The following B3GALT1 variants were observed in gnomAD, a reference collection of about 807,000 sequenced individuals.
B3GALT1 encodes UDP-Gal:betaGlcNAc beta 1,3-galactosyltransferase, polypeptide 1.
In B3GALT1, 10 loss-of-function variants were observed where a neutral mutation model predicts 23.2. The observed-to-expected ratio is 0.43, with a 90% CI of 0.27 to 0.73. The LOEUF is 0.73. Ranked by LOEUF, B3GALT1 falls within the 30% of genes least tolerant of loss-of-function variation. The pLI is 0.21. For synonymous variants in B3GALT1, 156 were observed against 141.5 expected (o/e 1.10, Z -0.73); for missense variants, 299 against 405.4 (o/e 0.74, Z 2.25).
At chr2:167,336,120 A>G (rs774273621) in intron 1 of B3GALT1, among the ~76,000 whole-genome samples, 41 of 152,184 alleles carry the variant, frequency 2.7e-4, no homozygotes, top group Non-Finnish European at 5.7e-4. Context: ...TGGGGATTCC[A>G]GAGGGAACCT....
intron 1 of B3GALT1, among the ~76,000 whole-genome samples, chr2:167,476,353 A>G (rs910628212): frequency 2.0e-5 from 3 of 152,254 alleles, no homozygotes; most frequent in Non-Finnish European, 4.4e-5. Context: ...GTCAGTAGAC[A>G]TGAATATAAG....
At chr2:167,586,932 T>G (rs1684594109) in intron 2 of B3GALT1, among the ~76,000 whole-genome samples, 1 of 152,122 alleles carries the variant, frequency 6.6e-6, no homozygotes, top group African/African-American at 2.4e-5. Context: ...AGTCAGGAAA[T>G]GAAATCATAT....
At chr2:167,754,330 G>C (rs527695377) in intron 3 of B3GALT1, among the ~76,000 whole-genome samples, 3 of 152,300 alleles carry the variant, frequency 2.0e-5, no homozygotes, top group African/African-American at 7.2e-5. Flanking sequence ...GTTCTCTTAA[G>C]TCTGCAGTTA....
chr2:167,578,027 C>T (rs560714590), intron 2 of B3GALT1, among the ~76,000 whole-genome samples: 1 of 151,958 alleles, frequency 6.6e-6, no homozygotes, highest in South Asian at 2.1e-4. Flanking sequence ...TTTTACCCTG[C>T]ACAATTCTAT....
At chr2:167,394,544 T>C (rs529201221) in intron 1 of B3GALT1, among the ~76,000 whole-genome samples, 58 of 152,284 alleles carry the variant, frequency 3.8e-4, no homozygotes, top group Non-Finnish European at 6.9e-4. Flanking sequence ...TTGTTTTTTT[T>C]TATGTTGGGG....
intron 1 of B3GALT1, among the ~76,000 whole-genome samples, chr2:167,454,184 G>T (rs1242958094): frequency 6.6e-6 from 1 of 150,954 alleles, no homozygotes; most frequent in Admixed American, 6.6e-5. Flanking sequence ...TCCGATGTAG[G>T]TATAACAGGA....
At chr2:167,733,126 G>A (rs148174856) in intron 3 of B3GALT1, among the ~76,000 whole-genome samples, 23 of 148,522 alleles carry the variant, frequency 1.5e-4, no homozygotes, top group East Asian at 8.3e-4. Flanking sequence ...TGTTGGGAGC[G>A]GGAGGAGAAT....
intron 1 of B3GALT1, among the ~76,000 whole-genome samples, chr2:167,351,288 A>C (rs1229484304): frequency 6.6e-6 from 1 of 151,838 alleles, no homozygotes; most frequent in African/African-American, 2.4e-5. Flanking sequence ...AAAAAACGAA[A>C]ACAAAAAAAA....
intron 2 of B3GALT1, among the ~76,000 whole-genome samples, chr2:167,528,049 A>T (rs1380646364): frequency 6.6e-6 from 1 of 152,202 alleles, no homozygotes; most frequent in Admixed American, 6.5e-5. Context: ...ATGTTGCAAT[A>T]TACCATCAAG....
chr2:167,303,989 T>G (rs1378664501), intron 1 of B3GALT1, among the ~76,000 whole-genome samples: 1 of 152,136 alleles, frequency 6.6e-6, no homozygotes, highest in Non-Finnish European at 1.5e-5. Flanking sequence ...CATCAGAATT[T>G]ATAAGCTTAC....
chr2:167,361,834 G>T (rs1384854337), intron 1 of B3GALT1, among the ~76,000 whole-genome samples: 1 of 152,146 alleles, frequency 6.6e-6, no homozygotes, highest in Non-Finnish European at 1.5e-5. Context: ...AGTACTTTGG[G>T]AGACCGAGAC....
chr2:167,849,344 T>C (rs1689823804), intron 4 of B3GALT1, among the ~76,000 whole-genome samples: 1 of 152,154 alleles, frequency 6.6e-6, no homozygotes, highest in Non-Finnish European at 1.5e-5. Context: ...TATAAGGCCA[T>C]AGTCACCAAA....
intron 3 of B3GALT1, among the ~76,000 whole-genome samples, chr2:167,692,303 A>G (rs919547367): frequency 2.0e-5 from 3 of 152,048 alleles, no homozygotes; most frequent in African/African-American, 7.2e-5. Flanking sequence ...TCTTTCTTCT[A>G]TGTGTTTAAA....
intron 1 of B3GALT1, among the ~76,000 whole-genome samples, chr2:167,320,236 C>T (rs1375404834): frequency 6.6e-6 from 1 of 151,152 alleles, no homozygotes; most frequent in Non-Finnish European, 1.5e-5. Context: ...ATCACCCAGC[C>T]TAGAATGCAG....
chr2:167,453,126 C>T (rs911497954), intron 1 of B3GALT1, among the ~76,000 whole-genome samples: 7 of 152,160 alleles, frequency 4.6e-5, no homozygotes, highest in Non-Finnish European at 7.4e-5. Flanking sequence ...GTGGCTTGCC[C>T]GAGAAACACA....
chr2:167,316,028 C>T (rs1696711266), intron 1 of B3GALT1, among the ~76,000 whole-genome samples: 1 of 151,526 alleles, frequency 6.6e-6, no homozygotes, highest in African/African-American at 2.4e-5. Context: ...TCACATTTAA[C>T]CAAGGCTTGG....
In B3GALT1 at chr2:167,529,481, T is replaced by G. The variant is rs1214915132; in HGVS notation, c.-410+39204T>G. ...AATAGAATTAGGATGAATCTAAGAG[T>G]TTTGGTCTGAGCTACTGAAAGGCGG... On this transcript the variant is annotated intron_variant, in intron 2 of 4. Coordinates refer to ENST00000392690, the MANE Select transcript of B3GALT1 (RefSeq NM_020981.4). 4.6e-5 allele frequency among the ~76,000 whole-genome samples: 7 copies of G among 151,094 alleles called. No individual in the cohort carries two copies. In the East Asian group the frequency reaches 1.4e-3, roughly 31 times the overall value.
intron 3 of B3GALT1, among the ~76,000 whole-genome samples, chr2:167,763,908 T>C (rs1327329557): frequency 6.6e-6 from 1 of 152,030 alleles, no homozygotes; most frequent in Non-Finnish European, 1.5e-5. Flanking sequence ...AGTATTCAGA[T>C]AGGACCAAAA....
At chr2:167,585,670 A>G (rs1287540328) in intron 2 of B3GALT1, among the ~76,000 whole-genome samples, 2 of 152,208 alleles carry the variant, frequency 1.3e-5, no homozygotes, top group Non-Finnish European at 1.5e-5. Flanking sequence ...TAATAATTCT[A>G]CTTCTAAATT....
Sources: allele counts gnomAD v4.1 joint callset (sites outside exome capture counted in the v4.1 genomes callset), GRCh38; gene constraint gnomAD v4.1.1; transcripts MANE v1.5; gene names NCBI Gene and HGNC (gene_info 2026-07-23, HGNC 2026-07-21).